The following DGKH variants were observed in gnomAD, a reference collection of about 807,000 sequenced individuals.
The protein encoded by DGKH is diacylglycerol kinase eta.
Under a neutral mutation model 159.3 loss-of-function variants are expected in DGKH, and 90 were observed. The ratio of observed to expected loss-of-function variants is 0.57; its 90% confidence interval spans 0.48 to 0.67. The LOEUF (loss-of-function observed/expected upper bound fraction) is 0.67, where lower values mean the gene tolerates loss of function less well. Among genes scored for constraint, DGKH ranks in the 30% least tolerant of loss-of-function variants. The pLI is 0.00. For synonymous variants in DGKH, 536 were observed against 553.8 expected, an observed-to-expected ratio of 0.97 and a Z score of 0.45; for missense variants, 1,181 against 1,506.1, an observed-to-expected ratio of 0.78 and a Z score of 3.57.
chr13:42,118,590 G>A (rs1955006686), intron 1 of DGKH, among the ~76,000 whole-genome samples: 1 of 152,258 alleles, frequency 6.6e-6, no homozygotes, highest in Non-Finnish European at 1.5e-5. Flanking sequence ...GAAGGTGGGA[G>A]TGGTGGCTTC....
intron 3 of DGKH, among the ~76,000 whole-genome samples, chr13:42,145,459 G>A (rs1385633546): frequency 6.6e-6 from 1 of 152,180 alleles, no homozygotes; most frequent in African/African-American, 2.4e-5. Flanking sequence ...GGGTTGGCCA[G>A]CTGTCAGGAT....
At chr13:42,057,340 C>A (rs1377708218) in intron 1 of DGKH, among the ~76,000 whole-genome samples, 1 of 152,064 alleles carries the variant, frequency 6.6e-6, no homozygotes, top group Non-Finnish European at 1.5e-5. Context: ...ATTTTTTGGC[C>A]TACTTTTCTC....
intron 1 of DGKH, among the ~76,000 whole-genome samples, chr13:42,105,549 G>T (rs1426207270): frequency 6.6e-6 from 1 of 152,098 alleles, no homozygotes; most frequent in African/African-American, 2.4e-5. Context: ...CTCAAAGTCT[G>T]TTTAGACTTT....
At chr13:42,059,889 G>A in intron 1 of DGKH, among the ~76,000 whole-genome samples, 1 of 145,868 alleles carries the variant, frequency 6.9e-6, no homozygotes, top group South Asian at 2.2e-4. Context: ...CAAAGTTTAA[G>A]TTCTCTCTCT....
Position 42,183,805 on chromosome 13 carries a change from T to G in DGKH, c.1539-3244T>G, listed in dbSNP as rs538231633. Among the ~76,000 whole-genome samples, 23 of 152,354 alleles carry G rather than the reference T, an allele frequency of 1.5e-4. No individual in the cohort carries two copies. The South Asian group carries it at 4.6e-3, about 30-fold the overall frequency. On this transcript the variant is annotated intron_variant, in intron 13 of 29. Transcript: ENST00000337343. ...TATTAGTAAAAATGTAAAACAGTTA[T>G]TAAATAAGTTGTCTTTAGCTACAAT...
intron 3 of DGKH, among the ~76,000 whole-genome samples, chr13:42,152,985 A>T (rs1308957519): frequency 6.6e-6 from 1 of 152,176 alleles, no homozygotes; most frequent in African/African-American, 2.4e-5. Flanking sequence ...CTGTCCGTGG[A>T]CAAATCTAAT....
At chr13:42,187,277 G>T (rs1566171309) in intron 14 of DGKH, 129 bp downstream of exon 14, 4 of 731,362 alleles carry the variant, frequency 5.5e-6, no homozygotes, top group Middle Eastern at 2.4e-4. Context: ...AAATTACTTT[G>T]GATCAGATCT....
chr13:42,255,185 T>G (rs940060339), intron 30 of DGKH, among the ~76,000 whole-genome samples: 1 of 151,802 alleles, frequency 6.6e-6, no homozygotes, highest in African/African-American at 2.4e-5. Context: ...GAACATATCT[T>G]TTAACCATGC....
intron 27 of DGKH, 44 bp from the exon 28 acceptor site, chr13:42,219,642 T>C (rs1175076554): frequency 1.3e-6 from 2 of 1,554,478 alleles, no homozygotes; most frequent in Non-Finnish European, 1.8e-6. Context: ...GTTTTTCTCC[T>C]TTTCATATCC....
intron 1 of DGKH, among the ~76,000 whole-genome samples, chr13:42,074,093 T>G (rs1883150744): frequency 6.6e-6 from 1 of 152,202 alleles, no homozygotes; most frequent in African/African-American, 2.4e-5. Flanking sequence ...ATCAAATAAG[T>G]GTTTTTGAAT....
At chr13:42,180,570 C>T (rs1956724613) in intron 13 of DGKH, among the ~76,000 whole-genome samples, 1 of 152,216 alleles carries the variant, frequency 6.6e-6, no homozygotes, top group Admixed American at 6.5e-5. Context: ...GATTACATTT[C>T]AGATGTTTTC....
At chr13:42,137,467 T>A (rs1446186268) in intron 3 of DGKH, among the ~76,000 whole-genome samples, 1 of 152,216 alleles carries the variant, frequency 6.6e-6, no homozygotes, top group African/African-American at 2.4e-5. Flanking sequence ...GGCTAACATC[T>A]AATAATATAA....
intron 13 of DGKH, among the ~76,000 whole-genome samples, chr13:42,186,289 T>A (rs1223136335): frequency 6.6e-6 from 1 of 152,222 alleles, no homozygotes; most frequent in Non-Finnish European, 1.5e-5. Flanking sequence ...TCATATACCA[T>A]TCTGTTGATT....
intron 29 of DGKH, among the ~76,000 whole-genome samples, chr13:42,226,324 A>G (rs939201523): frequency 2.0e-5 from 3 of 152,218 alleles, no homozygotes; most frequent in Admixed American, 1.3e-4. Context: ...GTGGAGAAAT[A>G]GGAAAGCTTT....
chr13:42,094,891 G>T (rs554493570), intron 1 of DGKH, among the ~76,000 whole-genome samples: 31 of 152,200 alleles, frequency 2.0e-4, no homozygotes, highest in African/African-American at 6.5e-4. Flanking sequence ...AAGAAAACCT[G>T]TAGAAAGGTA....
At position 42,240,179 on chromosome 13, in the gene DGKH, G is replaced by C. The variant is rs7334821; in HGVS notation, c.*10991G>C. On this transcript the variant is annotated 3_prime_UTR_variant, in exon 30 of 30. Transcript: ENST00000337343. ...TTTGAATGAAGGTAATAGAAAACCC[G>C]AACTTCTCTATATTTGTGTACTTTC... is the stretch of plus-strand genomic sequence containing the variant. 6.6e-6 allele frequency: 1 copy of C among 151,852 alleles called. No homozygotes were observed. Among genetic ancestry groups the C allele is most frequent in the South Asian group, 2.1e-4 (1 of 4,818 alleles). 9.4% of individuals were successfully genotyped at this position (151,852 alleles called of 1,614,324 possible). A position where few individuals can be genotyped will look rare whatever the true frequency, so the allele number is the denominator to read the frequency against.
At chr13:42,191,314 T>C (rs12857339) in intron 16 of DGKH, among the ~76,000 whole-genome samples, 18,656 of 152,070 alleles carry the variant, frequency 0.12, 1,674 homozygotes, top group East Asian at 0.45. Flanking sequence ...TTTGCAGTCA[T>C]TGGGGGCAAT....
chr13:42,112,597 C>G (rs1954883757), intron 1 of DGKH, among the ~76,000 whole-genome samples: 1 of 152,214 alleles, frequency 6.6e-6, no homozygotes, highest in African/African-American at 2.4e-5. Context: ...CCTGATACAC[C>G]AAACTGCTTG....
intron 21 of DGKH, among the ~76,000 whole-genome samples, chr13:42,207,676 G>A (rs1957539827): frequency 1.9e-5 from 2 of 104,540 alleles, no homozygotes; most frequent in South Asian, 3.7e-4. Context: ...TGAAAGAGAG[G>A]GCACAATTAT....
Sources: gnomAD v4.1 joint callset for allele counts (sites outside exome capture counted in the v4.1 genomes callset) on GRCh38, gnomAD v4.1.1 for gene constraint, MANE v1.5 for transcripts, NCBI Gene and HGNC (gene_info 2026-07-23, HGNC 2026-07-21) for gene names.